The following TASOR variants were observed in gnomAD, a reference collection of about 807,000 sequenced individuals.
TASOR encodes transcription activation suppressor.
TASOR carries 53 observed loss-of-function variants against 178.6 expected under a neutral mutation model. That is an observed-to-expected ratio of 0.30 (90% CI 0.24 to 0.37). The LOEUF is 0.37. Among genes scored for constraint, TASOR ranks in the 10% least tolerant of loss-of-function variants. TASOR has a pLI of 1.00. For missense variants in TASOR, 1,815 were observed against 1,971.4 expected (o/e 0.92, Z 1.50); for synonymous variants, 713 against 696.2 (o/e 1.02, Z -0.38).
At position 56,671,590 on chromosome 3, in the gene TASOR, G is replaced by A. The variant is rs762546972; in HGVS notation, c.570+10C>T. 103 of 1,530,036 alleles carry A rather than the reference G, an allele frequency of 6.7e-5. No individual in the cohort carries two copies. The African/African-American group carries it at 1.0e-3, about 15-fold the overall frequency. 94.8% of individuals were successfully genotyped at this position (1,530,036 alleles called of 1,614,324 possible). Reference sequence around the variant, plus strand: ...CCCCAAATTGTTTTTTATAAAATGCGTTAACTCACCTGGTATCGATCAACC... The same window carrying A: ...CCCCAAATTGTTTTTTATAAAATGCATTAACTCACCTGGTATCGATCAACC... On this transcript the variant is annotated intron_variant, in intron 3 of 23. Coordinates refer to ENST00000683822, the MANE Select transcript of TASOR (RefSeq NM_001365635.2).
intron 11 of TASOR, among the ~76,000 whole-genome samples, chr3:56,654,033 G>A (rs764895446): frequency 5.3e-5 from 8 of 152,160 alleles, no homozygotes; most frequent in African/African-American, 1.2e-4. Context: ...ACGGGAGGCC[G>A]AGGCAGGCAG....
Position 56,641,357 on chromosome 3 carries a change from A to G in TASOR, c.2611T>C (p.Leu871=), listed in dbSNP as rs1324833060. The G allele has an allele frequency of 6.3e-7, 1 of 1,588,436 alleles. No homozygotes were observed. The highest frequency in any genetic ancestry group is 2.3e-5 in the East Asian group (1 of 44,178). ...SEVGTDHKLH[L]KEDPNLISVN... ...AACAGCTATATGCTTACTTCTTTCAAATGTAGCTTATGGTCAGTGCCCACT... is the reference window on the plus strand; with the variant it reads ...AACAGCTATATGCTTACTTCTTTCAGATGTAGCTTATGGTCAGTGCCCACT... The change falls in exon 15 of 24, where the codon TTG becomes CTG. Residue 871 remains leucine (L), a synonymous_variant. Coordinates refer to ENST00000683822, the MANE Select transcript of TASOR (RefSeq NM_001365635.2).
intron 16 of TASOR, among the ~76,000 whole-genome samples, chr3:56,639,673 C>T (rs2077083689): frequency 2.6e-5 from 4 of 152,148 alleles, no homozygotes; most frequent in South Asian, 2.1e-4. Context: ...CTGCAGCTAC[C>T]TCACCTTATC....
At chr3:56,649,143 A>C (rs879881075) in intron 11 of TASOR, 86 bp from the exon 12 acceptor site, 2 of 935,064 alleles carry the variant, frequency 2.1e-6, no homozygotes, top group Non-Finnish European at 3.1e-6. Flanking sequence ...TACTAATTGT[A>C]AAGAAAAAAA....
chr3:56,646,875 T>C lies in TASOR; in HGVS notation c.1862A>G (p.Glu621Gly). 2 of 1,606,346 alleles carry C rather than the reference T, an allele frequency of 1.2e-6. No homozygotes were observed. The highest frequency in any genetic ancestry group is 1.7e-4 in the Middle Eastern group (1 of 6,020). ...VYQLPICKLKELFEENRKLQQ... is the reference protein window; with the variant it reads ...VYQLPICKLKGLFEENRKLQQ... ...AAGTTTTCTATTTTCTTCAAATAGT[T>C]CTTTTAATTTACAAATAGGTAACTG... The change falls in exon 14 of 24, where the codon GAA becomes GGA. Residue 621 changes from glutamate (E) to glycine (G), a missense_variant. Glu to Gly is a moderately conservative substitution (Grantham distance 98). Around this residue, in one of 5 missense-constraint regions of TASOR, gnomAD observed 504 missense variants for 645.3 expected, o/e 0.78. Transcript: ENST00000683822.
At chr3:56,631,421 G>A (rs1428696784) in intron 18 of TASOR, among the ~76,000 whole-genome samples, 2 of 151,988 alleles carry the variant, frequency 1.3e-5, no homozygotes, top group Non-Finnish European at 2.9e-5. Flanking sequence ...ATTCCCTTGA[G>A]GAATTAAAAT....
intron 11 of TASOR, among the ~76,000 whole-genome samples, chr3:56,658,489 CTCAACTT>C (rs1044328740): frequency 6.6e-6 from 1 of 152,184 alleles, no homozygotes; most frequent in Non-Finnish European, 1.5e-5. Flanking sequence ...AACCTACTAT[CTCAACTT>C]TCACTTTCTG....
At chr3:56,638,669 G>C in intron 17 of TASOR, 37 bp downstream of exon 17, 1 of 1,609,450 alleles carries the variant, frequency 6.2e-7, no homozygotes, top group Non-Finnish European at 8.5e-7. Flanking sequence ...TCTGAAGAAG[G>C]GCACACTGGG....
At chr3:56,681,077 TAACA>T (rs550633264) in intron 1 of TASOR, among the ~76,000 whole-genome samples, 1 of 139,306 alleles carries the variant, frequency 7.2e-6, no homozygotes, top group South Asian at 2.6e-4. Context: ...CTTCTGGTCC[TAACA>T]AACAGTAAAA....
At chr3:56,672,481 T>C (rs562617370) in intron 2 of TASOR, among the ~76,000 whole-genome samples, 2 of 152,322 alleles carry the variant, frequency 1.3e-5, no homozygotes, top group East Asian at 3.9e-4. Context: ...AAAAAATTCG[T>C]ATTTCAGGTC....
At chr3:56,651,920 T>C (rs2077360632) in intron 11 of TASOR, among the ~76,000 whole-genome samples, 1 of 152,208 alleles carries the variant, frequency 6.6e-6, no homozygotes, top group Non-Finnish European at 1.5e-5. Flanking sequence ...TTATTCATAG[T>C]AGCCAAGAAA....
intron 1 of TASOR, among the ~76,000 whole-genome samples, chr3:56,675,184 T>TC (rs1442493329): frequency 6.6e-6 from 1 of 150,994 alleles, no homozygotes; most frequent in Non-Finnish European, 1.5e-5. Context: ...TGAATTTTTT[T>TC]TTTTTTTGAG....
At chr3:56,666,491 C>T (rs947629316) in intron 6 of TASOR, 107 bp from the exon 7 acceptor site, 2 of 765,748 alleles carry the variant, frequency 2.6e-6, no homozygotes, top group Non-Finnish European at 3.8e-6. Context: ...GCACTTCTGA[C>T]AAAAAATGTC....
chr3:56,628,788 G>T, intron 18 of TASOR, 174 bp from the exon 19 acceptor site: 2 of 459,394 alleles, frequency 4.4e-6, no homozygotes, highest in Non-Finnish European at 3.8e-6. Context: ...TTTGAGACAG[G>T]GTCTCACCAT....
At chr3:56,678,433 G>A (rs1458632470) in intron 1 of TASOR, among the ~76,000 whole-genome samples, 3 of 151,524 alleles carry the variant, frequency 2.0e-5, no homozygotes, top group South Asian at 2.1e-4. Flanking sequence ...CGCCCACCTC[G>A]GCCTCTCAAA....
intron 9 of TASOR, 149 bp from the exon 10 acceptor site, chr3:56,661,166 T>C: frequency 3.2e-6 from 2 of 616,148 alleles, no homozygotes; most frequent in South Asian, 2.1e-5. Flanking sequence ...TTGTTTCGTT[T>C]GTGACAGTCT....
intron 14 of TASOR, 141 bp from the exon 15 acceptor site, chr3:56,641,893 C>T: frequency 1.3e-6 from 1 of 772,772 alleles, no homozygotes; most frequent in Non-Finnish European, 1.9e-6. Flanking sequence ...CAAATATTCG[C>T]ATCACTTTAC....
chr3:56,633,430 T>G lies in TASOR; in HGVS notation c.3361A>C (p.Ile1121Leu), dbSNP rs2076956300. The G allele has an allele frequency of 6.2e-7, 1 of 1,613,990 alleles. No individual in the cohort carries two copies. The change falls in exon 18 of 24, where the codon ATA (isoleucine) becomes CTA (leucine). Residue 1121 changes from isoleucine (I) to leucine (L), a missense_variant. This residue lies in a region of TASOR where 655 missense variants were observed against 671.1 expected (regional missense o/e 0.98). Transcript: ENST00000683822. ...IASNPLERHV[I>L]PVSSSDFNNK... The stretch of plus-strand genomic sequence containing the variant: ...TTGAAGTCACTTGAGGAAACTGGTA[T>G]GACATGCCTTTCCAGAGGATTCGAT...
chr3:56,676,586 G>A (rs191801944), intron 1 of TASOR, among the ~76,000 whole-genome samples: 9 of 152,184 alleles, frequency 5.9e-5, no homozygotes, highest in Admixed American at 2.0e-4. Context: ...GGTTTTACAC[G>A]ATTTTGTTTC....
Sources: allele counts gnomAD v4.1 joint callset (sites outside exome capture counted in the v4.1 genomes callset), GRCh38; gene constraint gnomAD v4.1.1; regional missense constraint gnomAD v4.1.1; transcripts MANE v1.5; gene names NCBI Gene and HGNC (gene_info 2026-07-23, HGNC 2026-07-21).